The following ULK4 variants were observed in gnomAD, a reference collection of about 807,000 sequenced individuals.
The protein encoded by ULK4 is inactive serine/threonine-protein kinase ULK4.
In ULK4, 133 loss-of-function variants were observed where a neutral mutation model predicts 160.6. That is an observed-to-expected ratio of 0.83 (90% confidence interval 0.72 to 0.96). ULK4 has a LOEUF of 0.96. Ranked by LOEUF, ULK4 falls within the 40% of genes least tolerant of loss-of-function variation. The pLI is 0.00. For missense variants in ULK4, 1,580 were observed against 1,499.5 expected, an observed-to-expected ratio of 1.05 and a Z score of -0.89; for synonymous variants, 534 against 539.8, an observed-to-expected ratio of 0.99 and a Z score of 0.15.
intron 33 of ULK4, among the ~76,000 whole-genome samples, chr3:41,458,281 T>A (rs971833979): frequency 6.6e-6 from 1 of 152,206 alleles, no homozygotes; most frequent in Non-Finnish European, 1.5e-5. Flanking sequence ...ATCCTTTAGT[T>A]AAACCATGAG....
intron 27 of ULK4, chr3:41,688,126 T>C (rs1380085475): frequency 6.6e-6 from 1 of 152,272 alleles, no homozygotes; most frequent in Non-Finnish European, 1.5e-5. Context: ...GCATGCACGG[T>C]GTACAACACC....
chr3:41,259,629 CAGCATCATCCTCCT>C, intron 35 of ULK4, among the ~76,000 whole-genome samples: 1 of 152,186 alleles, frequency 6.6e-6, no homozygotes, highest in South Asian at 2.1e-4. Context: ...ATATGACTCA[CAGCATCATCCTCCT>C]CCTAAAGCTT....
chr3:41,658,079 A>G (rs1208579553), intron 30 of ULK4, among the ~76,000 whole-genome samples: 1 of 152,226 alleles, frequency 6.6e-6, no homozygotes, highest in Non-Finnish European at 1.5e-5. Context: ...AGAAATTAAT[A>G]TCAAAGACTT....
At chr3:41,909,531 A>T (rs1172804502) in intron 11 of ULK4, among the ~76,000 whole-genome samples, 4 of 147,092 alleles carry the variant, frequency 2.7e-5, no homozygotes, top group African/African-American at 1.0e-4. Context: ...GGCAACTCGG[A>T]GAAACTCCAT....
chr3:41,890,556 T>C (rs1294789752), intron 16 of ULK4, among the ~76,000 whole-genome samples: 1 of 151,344 alleles, frequency 6.6e-6, no homozygotes, highest in East Asian at 2.0e-4. Context: ...GGTGCACACC[T>C]GTAATCCCAG....
intron 31 of ULK4, among the ~76,000 whole-genome samples, chr3:41,589,961 A>T (rs923494322): frequency 1.3e-5 from 2 of 152,130 alleles, no homozygotes; most frequent in South Asian, 4.1e-4. Flanking sequence ...GAAAATGAAT[A>T]GAATGAGATA....
intron 35 of ULK4, among the ~76,000 whole-genome samples, chr3:41,291,437 A>AGGGGAGG (rs1356551917): frequency 0.011 from 15 of 1,404 alleles, no homozygotes; most frequent in Admixed American, 0.029. Flanking sequence ...AGAAGGAGAG[A>AGGGGAGG]GAAGGAGGAG....
chr3:41,703,860 ACACACACACACAC>A (rs2036769597), intron 27 of ULK4, among the ~76,000 whole-genome samples: 1 of 151,140 alleles, frequency 6.6e-6, no homozygotes, highest in African/African-American at 2.5e-5. Context: ...ACACACACAC[ACACACACACACAC>A]ACAAGTTAAC....
intron 22 of ULK4, among the ~76,000 whole-genome samples, chr3:41,745,080 T>C (rs1160586719): frequency 1.3e-5 from 2 of 151,552 alleles, no homozygotes; most frequent in African/African-American, 4.9e-5. Flanking sequence ...GACAGAGTTA[T>C]AGAAATAATG....
At chr3:41,732,219 T>A (rs1271037026) in intron 22 of ULK4, among the ~76,000 whole-genome samples, 16 of 151,994 alleles carry the variant, frequency 1.1e-4, no homozygotes. Context: ...TCTCAATCCA[T>A]GCATCTGACA....
At chr3:41,899,078 G>A (rs1180449973) in intron 13 of ULK4, 1 of 152,392 alleles carries the variant, frequency 6.6e-6, no homozygotes, top group Non-Finnish European at 1.5e-5. Flanking sequence ...GGTAGAAGGT[G>A]GGTTGAGGTC....
intron 35 of ULK4, among the ~76,000 whole-genome samples, chr3:41,381,980 G>A (rs1209222477): frequency 6.6e-6 from 1 of 152,018 alleles, no homozygotes; most frequent in Non-Finnish European, 1.5e-5. Flanking sequence ...CTGCCTTGTG[G>A]CCTTAGCACT....
chr3:41,480,582 C>T (rs950273509), intron 32 of ULK4, among the ~76,000 whole-genome samples: 3 of 152,074 alleles, frequency 2.0e-5, no homozygotes, highest in Non-Finnish European at 4.4e-5. Flanking sequence ...ATCTTCTCTT[C>T]CTTATGATTT....
intron 32 of ULK4, among the ~76,000 whole-genome samples, chr3:41,511,109 GCTGAGATCATGCCACTGCACTCCAGC>G (rs1347296445): frequency 6.7e-6 from 1 of 149,534 alleles, no homozygotes; most frequent in Non-Finnish European, 1.5e-5. Context: ...CTTGCAGTGA[GCTGAGATCATGCCACTGCACTCCAGC>G]CTGGGCGACA....
intron 31 of ULK4, among the ~76,000 whole-genome samples, chr3:41,597,076 C>T (rs545561321): frequency 2.0e-4 from 30 of 152,238 alleles, no homozygotes; most frequent in Non-Finnish European, 2.5e-4. Flanking sequence ...CCCTCCTGCA[C>T]GCTCCCCTCT....
intron 6 of ULK4, among the ~76,000 whole-genome samples, chr3:41,919,456 G>T (rs960857564): frequency 1.3e-5 from 2 of 152,094 alleles, no homozygotes; most frequent in Non-Finnish European, 2.9e-5. Context: ...AGAAAAAACT[G>T]CCAGGCATGG....
At chr3:41,471,415 C>T (rs2083987372) in intron 32 of ULK4, among the ~76,000 whole-genome samples, 1 of 152,118 alleles carries the variant, frequency 6.6e-6, no homozygotes, top group Admixed American at 6.5e-5. Context: ...GGGACTTATC[C>T]CACTTATAGC....
intron 32 of ULK4, among the ~76,000 whole-genome samples, chr3:41,516,534 C>T (rs1232782993): frequency 6.6e-6 from 1 of 152,102 alleles, no homozygotes; most frequent in African/African-American, 2.4e-5. Flanking sequence ...TTTGCAACAA[C>T]ATGGATGGAA....
intron 30 of ULK4, among the ~76,000 whole-genome samples, chr3:41,660,572 T>G (rs2035117264): frequency 6.6e-6 from 1 of 152,234 alleles, no homozygotes; most frequent in Non-Finnish European, 1.5e-5. Flanking sequence ...AATTACTTTT[T>G]CCTTCTTCAT....
Sources: gnomAD v4.1 joint callset for allele counts (sites outside exome capture counted in the v4.1 genomes callset) on GRCh38, gnomAD v4.1.1 for gene constraint, MANE v1.5 for transcripts, NCBI Gene and HGNC (gene_info 2026-07-23, HGNC 2026-07-21) for gene names.